Variants in PCDHA13 observed in about 807,000 individuals in gnomAD.
PCDHA13 encodes protocadherin alpha-13.
PCDHA13 carries 54 observed loss-of-function variants against 64.8 expected under a neutral mutation model. The ratio of observed to expected loss-of-function variants is 0.83; its 90% CI spans 0.67 to 1.04. The LOEUF is 1.04. PCDHA13 is among the 50% of genes least tolerant of loss of function. The pLI, the probability that PCDHA13 is intolerant of heterozygous loss-of-function variation, is 0.00. For synonymous variants in PCDHA13, 587 were observed against 564.4 expected, an observed-to-expected ratio of 1.04 and a Z score of -0.57; for missense variants, 1,248 against 1,254.3, an observed-to-expected ratio of 0.99 and a Z score of 0.08.
At chr5:141,009,529 T>C in intron 3 of PCDHA13, 98 bp from the exon 4 acceptor site, 2 of 1,505,630 alleles carry the variant, frequency 1.3e-6, no homozygotes, top group Non-Finnish European at 1.8e-6. Context: ...TCTGGGGAGG[T>C]TCAGCCTGCC....
chr5:140,919,709 G>T (rs782509447), intron 1 of PCDHA13, among the ~76,000 whole-genome samples: 5 of 152,076 alleles, frequency 3.3e-5, no homozygotes, highest in Non-Finnish European at 7.4e-5. Context: ...CTTAATTCTA[G>T]TGAGATATAA....
Position 140,884,494 on chromosome 5 carries a change from C to A in PCDHA13, c.2226C>A (p.Ser742=). The A allele has an allele frequency of 6.2e-7, 1 of 1,614,068 alleles. No homozygotes were observed. The highest frequency in any genetic ancestry group is 8.5e-7 in the Non-Finnish European group (1 of 1,179,974). ...CGGGCAAGCCCACTCTAGTGTGCTC[C>A]AGCGCGGCAGGGAGTTGGTCGTACT... ...CAPGKPTLVC[S]SAAGSWSYSQ... is the part of the protein sequence containing the mutation. Residue 742 remains serine, a synonymous_variant, in exon 1 of 4, where the codon TCC becomes TCA. Coordinates refer to ENST00000289272, the MANE Select transcript of PCDHA13 (RefSeq NM_018904.3).
chr5:140,982,779 G>A (rs1228586175), intron 3 of PCDHA13, among the ~76,000 whole-genome samples: 2 of 151,918 alleles, frequency 1.3e-5, no homozygotes, highest in African/African-American at 2.4e-5. Context: ...GAAAGTGTGT[G>A]TGCACGCATG....
At chr5:140,888,265 A>G (rs2061758269) in intron 1 of PCDHA13, among the ~76,000 whole-genome samples, 1 of 152,096 alleles carries the variant, frequency 6.6e-6, no homozygotes, top group Non-Finnish European at 1.5e-5. Flanking sequence ...TCTTGATAAG[A>G]AACAGTTTTG....
intron 1 of PCDHA13, among the ~76,000 whole-genome samples, chr5:140,918,366 T>G (rs1203283831): frequency 2.0e-5 from 3 of 152,180 alleles, no homozygotes; most frequent in African/African-American, 7.2e-5. Flanking sequence ...CTCTGCCTAT[T>G]TGGATGCCTT....
At chr5:140,988,468 A>G (rs1184589294) in intron 3 of PCDHA13, among the ~76,000 whole-genome samples, 1 of 152,186 alleles carries the variant, frequency 6.6e-6, no homozygotes, top group African/African-American at 2.4e-5. Flanking sequence ...GGGTGTGGGA[A>G]GGGGAATTAG....
intron 1 of PCDHA13, among the ~76,000 whole-genome samples, chr5:140,934,109 A>G (rs2089636629): frequency 6.6e-6 from 1 of 151,948 alleles, no homozygotes; most frequent in Non-Finnish European, 1.5e-5. Flanking sequence ...CTATTTTATT[A>G]ATTTTCATAC....
chr5:140,898,422 C>T (rs1554187981), intron 1 of PCDHA13, among the ~76,000 whole-genome samples: 2 of 152,278 alleles, frequency 1.3e-5, no homozygotes, highest in East Asian at 3.9e-4. Context: ...AGCCAGTTTT[C>T]CCAGCACCAT....
At chr5:140,988,014 A>G (rs782358781) in intron 3 of PCDHA13, among the ~76,000 whole-genome samples, 4 of 152,242 alleles carry the variant, frequency 2.6e-5, no homozygotes, top group African/African-American at 7.2e-5. Context: ...GAAAGAAAGC[A>G]TGATTCTTAA....
intron 1 of PCDHA13, among the ~76,000 whole-genome samples, chr5:140,951,209 A>C (rs1302279809): frequency 6.6e-6 from 1 of 151,904 alleles, no homozygotes; most frequent in Non-Finnish European, 1.5e-5. Context: ...GTGTCATCTC[A>C]GGTTTGGATT....
chr5:140,968,405 G>A, intron 1 of PCDHA13: 1 of 1,614,002 alleles, frequency 6.2e-7, no homozygotes, highest in Non-Finnish European at 8.5e-7. Flanking sequence ...GGAGTTCTTT[G>A]TGACTGTGGA....
At position 140,882,127 on chromosome 5, in the gene PCDHA13, C is replaced by A. The variant is rs2058964637; in HGVS notation, c.-142C>A. On this transcript the variant is annotated 5_prime_UTR_variant, in exon 1 of 4. Coordinates refer to ENST00000289272, the MANE Select transcript of PCDHA13 (RefSeq NM_018904.3). ...CGAAGAAAGCCGCCGTTTCTTTCTT[C>A]CTGCAGAAAATATAGCAGAAAGCGG... 23 of 1,464,566 alleles carry A rather than the reference C, an allele frequency of 1.6e-5. No homozygotes were observed. The highest frequency in any genetic ancestry group is 4.6e-5 in the Admixed American group (2 of 43,122). The allele number at this position is 1,464,566 out of a possible 1,614,324, so 90.7% of individuals were successfully genotyped here.
At chr5:141,007,476 G>A (rs1412241964) in intron 3 of PCDHA13, among the ~76,000 whole-genome samples, 1 of 151,712 alleles carries the variant, frequency 6.6e-6, no homozygotes, top group Non-Finnish European at 1.5e-5. Context: ...GCTGAGGCAC[G>A]AGAATTACTT....
intron 1 of PCDHA13, among the ~76,000 whole-genome samples, chr5:140,904,500 T>C (rs1454204932): frequency 6.6e-6 from 1 of 151,976 alleles, no homozygotes; most frequent in African/African-American, 2.4e-5. Flanking sequence ...ATTTTTACAA[T>C]TGTGAATTGT....
intron 1 of PCDHA13, among the ~76,000 whole-genome samples, chr5:140,944,319 C>T (rs1386940921): frequency 6.6e-6 from 1 of 152,104 alleles, no homozygotes. Context: ...TCCTGAGTAG[C>T]TGGGATTACA....
intron 3 of PCDHA13, among the ~76,000 whole-genome samples, chr5:140,990,514 T>C (rs1437267512): frequency 1.3e-5 from 2 of 152,204 alleles, no homozygotes; most frequent in Non-Finnish European, 1.5e-5. Context: ...TCTTCTCTCT[T>C]GTCTTTTTTG....
At chr5:140,911,202 A>C (rs1554194649) in intron 1 of PCDHA13, among the ~76,000 whole-genome samples, 1 of 152,184 alleles carries the variant, frequency 6.6e-6, no homozygotes. Flanking sequence ...ACATGTTGCC[A>C]CTACTGGGGA....
intron 1 of PCDHA13, among the ~76,000 whole-genome samples, chr5:140,934,664 T>G (rs1268113575): frequency 1.3e-5 from 2 of 152,176 alleles, no homozygotes; most frequent in Admixed American, 6.5e-5. Flanking sequence ...TCTTCCCCTT[T>G]GTTTAGCAGT....
chr5:140,980,873 T>C (rs1586863406), intron 2 of PCDHA13, among the ~76,000 whole-genome samples: 1 of 152,338 alleles, frequency 6.6e-6, no homozygotes, highest in East Asian at 1.9e-4. Context: ...TGCTTGGGTG[T>C]TCTCGGTCTT....
Sources: gnomAD v4.1 joint callset for allele counts (sites outside exome capture counted in the v4.1 genomes callset) on GRCh38, gnomAD v4.1.1 for gene constraint, MANE v1.5 for transcripts, NCBI Gene and HGNC (gene_info 2026-07-23, HGNC 2026-07-21) for gene names.